CIC: variants seen among roughly 807,000 people sequenced by gnomAD.
The protein encoded by CIC is protein capicua homolog.
Under a neutral mutation model 115.7 loss-of-function variants are expected in CIC, and 18 were observed. That is an observed-to-expected ratio of 0.16 (90% confidence interval 0.11 to 0.23). The LOEUF is 0.23. Ranked by LOEUF, CIC falls within the 10% of genes least tolerant of loss-of-function variation. The pLI is 1.00. For synonymous variants in CIC, 1,076 were observed against 923.0 expected (o/e 1.17, Z -3.01); for missense variants, 2,000 against 2,159.3 (o/e 0.93, Z 1.46).
At chr19:42,293,555 TCA>T in intron 16 of CIC, 35 bp from the exon 17 acceptor site, 9 of 1,613,460 alleles carry the variant, frequency 5.6e-6, no homozygotes, top group Non-Finnish European at 7.6e-6. Context: ...GAGTCTGAGC[TCA>T]GTGTTCGCCA....
Position 42,272,049 on chromosome 19 carries a change from C to T in CIC, c.266C>T (p.Pro89Leu). 1 of 398,796 alleles carries T rather than the reference C, an allele frequency of 2.5e-6. No homozygotes were observed. The highest frequency in any genetic ancestry group is 4.4e-6 in the Non-Finnish European group (1 of 226,166). 24.7% of individuals were successfully genotyped at this position (398,796 alleles called of 1,614,324 possible). Residue 89 changes from proline to leucine, a missense_variant, in exon 2 of 21, where the codon CCA (proline) becomes CTA (leucine). Coordinates refer to ENST00000681038, the MANE Select transcript of CIC (RefSeq NM_001386298.1). The part of the protein sequence containing the change: ...ELHPGDPAPG[P>L]AEDPKGDGEA... Reference sequence around the variant, plus strand: ...CACCCTGGCGACCCGGCTCCAGGCCCAGCAGAGGACCCCAAAGGGGATGGG... The same window carrying T: ...CACCCTGGCGACCCGGCTCCAGGCCTAGCAGAGGACCCCAAAGGGGATGGG...
At chr19:42,281,235 G>A (rs554630092) in intron 2 of CIC, among the ~76,000 whole-genome samples, 67 of 152,288 alleles carry the variant, frequency 4.4e-4, no homozygotes, top group Middle Eastern at 6.8e-3. Context: ...GCAGGGTGGG[G>A]AGCCGCAGGC....
rs754531132 is a variant in CIC, at chr19:42,290,244, G to A, written c.4203G>A (p.Arg1401=). 1.1e-5 allele frequency: 18 copies of A among 1,614,076 alleles called. No individual in the cohort carries two copies. Among genetic ancestry groups the A allele is most frequent in the South Asian group, 7.7e-5 (7 of 91,084 alleles). ...EDPEGNKGFG[R]KVFSPVIRSS... is the part of the protein sequence containing the mutation. ...TTCCTTTCATGCAGGGCTTTGGTCG[G>A]AAGGTGTTTTCACCTGTGATCCGTT... Residue 1401 remains arginine (R), a synonymous_variant, in exon 11 of 21, where the codon CGG becomes CGA. Coordinates refer to ENST00000681038, the MANE Select transcript of CIC (RefSeq NM_001386298.1).
At position 42,294,746 on chromosome 19, in the gene CIC, C is replaced by T. The variant is rs768721159; in HGVS notation, c.7186+11C>T. Reference sequence around the variant, plus strand: ...GCTTCTTCCCGTCAGGTGAGCCTGTCTCGGAGTCTTGGGGTCACTCGGGTG... The same window carrying T: ...GCTTCTTCCCGTCAGGTGAGCCTGTTTCGGAGTCTTGGGGTCACTCGGGTG... On this transcript the variant is annotated intron_variant, in intron 20 of 20. Transcript: ENST00000681038. 1.9e-6 allele frequency: 3 copies of T among 1,612,846 alleles called. No homozygotes were observed. The Admixed American group carries it at 5.0e-5, about 27-fold the overall frequency.
At position 42,272,837 on chromosome 19, in the gene CIC, C is replaced by T; in HGVS notation, c.1054C>T (p.Pro352Ser). The T allele has an allele frequency of 2.5e-6, 1 of 399,274 alleles. No individual in the cohort carries two copies. The highest frequency in any genetic ancestry group is 4.4e-6 in the Non-Finnish European group (1 of 226,582). The allele number at this position is 399,274 out of a possible 1,614,324, so 24.7% of individuals were successfully genotyped here. A position where few individuals can be genotyped will look rare whatever the true frequency, so the allele number is the denominator to read the frequency against. The change falls in exon 2 of 21, where the codon CCC becomes TCC. Residue 352 changes from proline to serine, a missense_variant. Coordinates refer to ENST00000681038, the MANE Select transcript of CIC (RefSeq NM_001386298.1). ...PWEPETMLRK[P>S]PTGPEEEQAE... Reference sequence around the variant, plus strand: ...GGAACCTGAGACCATGCTGAGGAAGCCCCCTACAGGCCCTGAGGAAGAGCA... The same window carrying T: ...GGAACCTGAGACCATGCTGAGGAAGTCCCCTACAGGCCCTGAGGAAGAGCA...
intron 2 of CIC, among the ~76,000 whole-genome samples, chr19:42,281,271 G>A (rs959164942): frequency 6.6e-6 from 1 of 152,196 alleles, no homozygotes; most frequent in Non-Finnish European, 1.5e-5. Flanking sequence ...GGTGCCTCGC[G>A]GGCTCAATAA....
rs1568514598 is a variant in CIC, at chr19:42,290,677, AAGG to A, written c.4642_4644del (p.Glu1548del). ...GCAGACACTGGTGCTGCCCCCAAAC[AAGG>A]AGGAGCAAGAGGGCGGCGGAGCCAG... On this transcript the variant is annotated inframe_deletion, in exon 11 of 21. Transcript: ENST00000681038. 1.2e-6 allele frequency: 2 copies of A among 1,612,546 alleles called. No homozygotes were observed. Among genetic ancestry groups the A allele is most frequent in the Non-Finnish European group, 8.5e-7 (1 of 1,179,494 alleles).
rs757396538 is a variant in CIC at position 42,294,228 on chromosome 19, C to G, written c.6978C>G (p.Arg2326=). ...PTSPKRKMRR[R]SSCSSEPNTP... is the part of the protein sequence containing the mutation. ...CGCCCAAGCGCAAGATGAGAAGACG[C>G]TCCAGCTGCAGCTCGGAGCCCAACA... The change falls in exon 19 of 21, where the codon CGC becomes CGG. Residue 2326 remains arginine (R), a synonymous_variant. Transcript: ENST00000681038. 1.1e-5 allele frequency: 18 copies of G among 1,613,708 alleles called. No individual in the cohort carries two copies. The highest frequency in any genetic ancestry group is 1.7e-5 in the Admixed American group (1 of 60,000).
At chr19:42,286,116 G>A (rs912395934) in intron 2 of CIC, among the ~76,000 whole-genome samples, 18 of 152,206 alleles carry the variant, frequency 1.2e-4, no homozygotes, top group Admixed American at 7.2e-4. Context: ...CATTGTCTTT[G>A]TGGGGGCAAA....
chr19:42,280,580 G>A lies in CIC; in HGVS notation c.2794+6003G>A, dbSNP rs2147085008. 6.6e-6 allele frequency among the ~76,000 whole-genome samples: 1 copy of A among 152,296 alleles called. No homozygotes were observed. Among genetic ancestry groups the A allele is most frequent in the South Asian group, 2.1e-4 (1 of 4,832 alleles). ...CCTGCGCTGCCGCGTCCTCGGGCTG[G>A]GTGGGGTACCCTCCCTCCCACCGCA... On this transcript the variant is annotated intron_variant, in intron 2 of 20. Coordinates refer to ENST00000681038, the MANE Select transcript of CIC (RefSeq NM_001386298.1). The surrounding 1 kb of genome is among the most constrained non-coding windows in gnomAD (Gnocchi z 4.9).
At position 42,287,266 on chromosome 19, in the gene CIC, G is replaced by A. The variant is rs751509060; in HGVS notation, c.3179+26G>A. On this transcript the variant is annotated intron_variant, in intron 4 of 20. Transcript: ENST00000681038. This position sits in a 1 kb window ranked among gnomAD's most constrained non-coding sequence, Gnocchi z 8.7. The stretch of plus-strand genomic sequence containing the variant: ...GTGAGTTCCCTGAGGCCTGGGACTT[G>A]GGGGTGGGATGGCCAGAGACATGGC... The A allele has an allele frequency of 6.8e-6, 11 of 1,613,858 alleles. No homozygotes were observed. In the Admixed American group the frequency reaches 1.2e-4, roughly 17 times the overall value.
intron 9 of CIC, 100 bp downstream of exon 9, chr19:42,289,506 C>A (rs373956823): frequency 2.3e-6 from 3 of 1,328,846 alleles, no homozygotes; most frequent in African/African-American, 2.9e-5. Flanking sequence ...CCTTTGTTTT[C>A]TTTTCCACTT....
rs1363914914 is a variant in CIC at position 42,274,301 on chromosome 19, G to A, written c.2518G>A (p.Gly840Arg). The change falls in exon 2 of 21, where the codon GGG (glycine) becomes AGG (arginine). Residue 840 changes from glycine (G) to arginine (R), a missense_variant. This residue lies in a region of CIC where 222 missense variants were observed against 247.7 expected (regional missense o/e 0.90). Transcript: ENST00000681038. Reference protein sequence around the residue: ...TAGEVRAGGPGRGCRETPVPP... With the variant: ...TAGEVRAGGPRRGCRETPVPP... ...TGGTGAGGTGCGGGCTGGGGGACCT[G>A]GGCGGGGCTGCCGTGAAACCCCAGT... The A allele has an allele frequency of 7.5e-6, 3 of 398,620 alleles. No individual in the cohort carries two copies. Among genetic ancestry groups the A allele is most frequent in the Non-Finnish European group, 1.3e-5 (3 of 226,146 alleles). The allele number at this position is 398,620 out of a possible 1,614,324, so 24.7% of individuals were successfully genotyped here.
intron 1 of CIC, among the ~76,000 whole-genome samples, chr19:42,269,715 G>A (rs1318593589): frequency 1.3e-5 from 2 of 149,292 alleles, no homozygotes; most frequent in Admixed American, 1.3e-4. Flanking sequence ...ACAGGACAGT[G>A]ACTGGGAGGA....
chr19:42,289,497 CTTTG>C, intron 9 of CIC, 91 bp downstream of exon 9: 1 of 1,364,858 alleles, frequency 7.3e-7, no homozygotes, highest in South Asian at 1.3e-5. Context: ...CCCTAGGCCC[CTTTG>C]TTTTCTTTTC....
At position 42,292,781 on chromosome 19, in the gene CIC, G is replaced by C. The variant is rs748842207; in HGVS notation, c.6118G>C (p.Ala2040Pro). ...GGCCACCAGCACAACCCCACCTGCA[G>C]CCACCATTCTGCCCAAGGGCCCGCC... Reference protein sequence around the residue: ...TVATSTTPPAATILPKGPPAP... With the variant: ...TVATSTTPPAPTILPKGPPAP... The change falls in exon 15 of 21, where the codon GCC (alanine) becomes CCC (proline). Residue 2040 changes from alanine to proline, a missense_variant. Ala to Pro is a conservative substitution (Grantham distance 27). This residue lies in a region of CIC where 1,466 missense variants were observed against 1,390.4 expected (regional missense o/e 1.05). Coordinates refer to ENST00000681038, the MANE Select transcript of CIC (RefSeq NM_001386298.1). The C allele has an allele frequency of 3.1e-6, 5 of 1,613,486 alleles. No individual in the cohort carries two copies. In the Admixed American group the frequency reaches 8.3e-5, roughly 27 times the overall value.
chr19:42,273,518 T>G lies in CIC; in HGVS notation c.1735T>G (p.Ser579Ala). Residue 579 changes from serine (S) to alanine (A), a missense_variant, in exon 2 of 21, where the codon TCA becomes GCA. Coordinates refer to ENST00000681038, the MANE Select transcript of CIC (RefSeq NM_001386298.1). ...CAGCAGTGTGGCGGCTCGTGGAGAC[T>G]CACGGCCACGCCTGGTGGCCCCTGC... ...EASSVAARGD[S>A]RPRLVAPADL... 2.5e-6 allele frequency: 1 copy of G among 398,420 alleles called. No individual in the cohort carries two copies. Among genetic ancestry groups the G allele is most frequent in the Non-Finnish European group, 4.4e-6 (1 of 225,970 alleles). 24.7% of individuals were successfully genotyped at this position (398,420 alleles called of 1,614,324 possible). A position where few individuals can be genotyped will look rare whatever the true frequency, so the allele number is the denominator to read the frequency against.
chr19:42,290,039 G>T, intron 10 of CIC, 88 bp downstream of exon 10: 1 of 1,424,046 alleles, frequency 7.0e-7, no homozygotes, highest in Non-Finnish European at 9.8e-7. Context: ...GAGAGGGGGA[G>T]ATTAAGGTCC....
intron 2 of CIC, among the ~76,000 whole-genome samples, chr19:42,283,590 G>A (rs1443749069): frequency 6.6e-6 from 1 of 152,146 alleles, no homozygotes; most frequent in African/African-American, 2.4e-5. Flanking sequence ...TGAGGGCTCA[G>A]GATGCCTCGC....
Sources: gnomAD v4.1 joint callset for allele counts (sites outside exome capture counted in the v4.1 genomes callset) on GRCh38, gnomAD v4.1.1 for gene constraint, gnomAD v4.1.1 regional missense constraint, Gnocchi (gnomAD v3.1) non-coding constraint, MANE v1.5 for transcripts, NCBI Gene and HGNC (gene_info 2026-07-23, HGNC 2026-07-21) for gene names.